MSRB3: variants seen among roughly 807,000 people sequenced by gnomAD.
MSRB3 encodes the protein methionine sulfoxide reductase B3, also known as methionine-R-sulfoxide reductase B3.
In MSRB3, 13 loss-of-function variants were observed where a neutral mutation model predicts 21.0. The observed-to-expected ratio is 0.62, with a 90% CI of 0.40 to 0.98. MSRB3 has a LOEUF of 0.98. Among genes scored for constraint, MSRB3 ranks in the 50% least tolerant of loss-of-function variants. The pLI, the probability that MSRB3 is intolerant of heterozygous loss-of-function variation, is 0.00. For synonymous variants in MSRB3, 87 were observed against 88.6 expected (o/e 0.98, Z 0.10); for missense variants, 199 against 230.3 (o/e 0.86, Z 0.88).
intron 4 of MSRB3, among the ~76,000 whole-genome samples, chr12:65,361,519 C>T (rs1165497257): frequency 6.6e-6 from 1 of 152,070 alleles, no homozygotes; most frequent in Non-Finnish European, 1.5e-5. Flanking sequence ...TGAATGTGGC[C>T]CACAGCTTCT....
intron 5 of MSRB3, among the ~76,000 whole-genome samples, chr12:65,440,595 C>T (rs1882329051): frequency 6.6e-6 from 1 of 151,774 alleles, no homozygotes; most frequent in South Asian, 2.1e-4. Flanking sequence ...CTATATAATG[C>T]TATAATAGTG....
chr12:65,365,521 A>G (rs1314385054), intron 4 of MSRB3, among the ~76,000 whole-genome samples: 1 of 152,180 alleles, frequency 6.6e-6, no homozygotes, highest in Non-Finnish European at 1.5e-5. Context: ...TACGCCATGC[A>G]GAGGAGTGGG....
At chr12:65,442,595 T>G (rs1365895541) in intron 5 of MSRB3, among the ~76,000 whole-genome samples, 1 of 152,110 alleles carries the variant, frequency 6.6e-6, no homozygotes, top group Non-Finnish European at 1.5e-5. Context: ...TCCTGTCTGA[T>G]GTAGCTAATA....
chr12:65,412,469 T>C (rs1252886667), intron 5 of MSRB3, among the ~76,000 whole-genome samples: 1 of 152,160 alleles, frequency 6.6e-6, no homozygotes, highest in African/African-American at 2.4e-5. Context: ...ATAGTTAAGA[T>C]TGAAAATGAT....
chr12:65,319,130 G>T (rs1050820500), intron 2 of MSRB3, among the ~76,000 whole-genome samples: 1 of 152,052 alleles, frequency 6.6e-6, no homozygotes, highest in Non-Finnish European at 1.5e-5. Flanking sequence ...TACTCCCCTT[G>T]ACTTACAGTA....
intron 4 of MSRB3, among the ~76,000 whole-genome samples, chr12:65,357,865 T>C (rs1310610542): frequency 6.6e-6 from 1 of 151,940 alleles, no homozygotes; most frequent in Non-Finnish European, 1.5e-5. Flanking sequence ...CAACACGTCA[T>C]CACTTTTGAT....
rs536608095 is a variant in MSRB3 at position 65,278,978 on chromosome 12, C to A, written c.-52+113C>A. 1.0e-3 allele frequency: 1,514 copies of A among 1,494,454 alleles called. 1 individual carries two copies. The highest frequency in any genetic ancestry group is 1.5e-3 in the Admixed American group (70 of 47,996). The allele number at this position is 1,494,454 out of a possible 1,614,324, so 92.6% of individuals were successfully genotyped here. ...TTCCATTCTGCGCCTGCTGCGCCCCCTCGGCCACCTGCGGGGACAGCCCCT... is the reference window on the plus strand; with the variant it reads ...TTCCATTCTGCGCCTGCTGCGCCCCATCGGCCACCTGCGGGGACAGCCCCT... On this transcript the variant is annotated intron_variant, in intron 1 of 6. Coordinates refer to ENST00000308259, the MANE Select transcript of MSRB3 (RefSeq NM_001031679.3).
At chr12:65,367,692 T>C (rs777783102) in intron 4 of MSRB3, among the ~76,000 whole-genome samples, 1 of 152,028 alleles carries the variant, frequency 6.6e-6, no homozygotes, top group East Asian at 1.9e-4. Flanking sequence ...CTTTGCAGAA[T>C]TGGAGAGAGG....
intron 5 of MSRB3, among the ~76,000 whole-genome samples, chr12:65,413,165 G>A (rs1209357979): frequency 6.6e-6 from 1 of 152,136 alleles, no homozygotes; most frequent in East Asian, 1.9e-4. Context: ...TCTTCAAATT[G>A]CTAAAAGGTC....
chr12:65,351,634 A>C (rs1402078919), intron 4 of MSRB3, among the ~76,000 whole-genome samples: 3 of 148,600 alleles, frequency 2.0e-5, no homozygotes, highest in Non-Finnish European at 2.9e-5. Context: ...AGGGGATATC[A>C]CCACTGATCC....
At chr12:65,369,155 C>A in intron 5 of MSRB3, 129 bp downstream of exon 5, 1 of 701,274 alleles carries the variant, frequency 1.4e-6, no homozygotes, top group Non-Finnish European at 2.5e-6. Flanking sequence ...AATGTGAGTC[C>A]CACCTCAAAG....
intron 4 of MSRB3, among the ~76,000 whole-genome samples, chr12:65,347,788 A>C (rs1228356324): frequency 1.3e-5 from 2 of 152,196 alleles, no homozygotes; most frequent in Non-Finnish European, 2.9e-5. Context: ...GAGAGTTTTT[A>C]GCACGAAGGT....
chr12:65,282,438 G>C (rs892706288), intron 1 of MSRB3, among the ~76,000 whole-genome samples: 1 of 152,096 alleles, frequency 6.6e-6, no homozygotes, highest in South Asian at 2.1e-4. Context: ...GTATAGAAAA[G>C]ATCAAACAAA....
chr12:65,298,325 A>G (rs1255331059), intron 1 of MSRB3, among the ~76,000 whole-genome samples: 1 of 152,212 alleles, frequency 6.6e-6, no homozygotes, highest in Non-Finnish European at 1.5e-5. Context: ...TTTCTAACAA[A>G]GAAATACAGA....
chr12:65,460,644 T>C (rs998295622), intron 6 of MSRB3, among the ~76,000 whole-genome samples: 3 of 152,170 alleles, frequency 2.0e-5, no homozygotes, highest in Non-Finnish European at 4.4e-5. Context: ...CTCAAACCGT[T>C]TCTGAGGATT....
intron 5 of MSRB3, among the ~76,000 whole-genome samples, chr12:65,390,966 G>A (rs1385921273): frequency 6.6e-6 from 1 of 152,184 alleles, no homozygotes; most frequent in Non-Finnish European, 1.5e-5. Flanking sequence ...AAAGAATGGA[G>A]TAGGAATTTT....
chr12:65,414,336 T>C (rs542525044), intron 5 of MSRB3, among the ~76,000 whole-genome samples: 1 of 152,224 alleles, frequency 6.6e-6, no homozygotes, highest in East Asian at 1.9e-4. Flanking sequence ...GTATGGTAGA[T>C]TTCCAGATAG....
intron 5 of MSRB3, among the ~76,000 whole-genome samples, chr12:65,395,674 T>C (rs576416233): frequency 2.0e-5 from 3 of 152,232 alleles, no homozygotes; most frequent in Non-Finnish European, 4.4e-5. Flanking sequence ...TAATTATTGA[T>C]TCAGTTTCTT....
At chr12:65,461,937 A>C (rs1473177503) in intron 6 of MSRB3, among the ~76,000 whole-genome samples, 1 of 152,064 alleles carries the variant, frequency 6.6e-6, no homozygotes, top group Middle Eastern at 3.2e-3. Flanking sequence ...CTAACATTTC[A>C]TATCACCTTC....
Sources: gnomAD v4.1 joint callset for allele counts (sites outside exome capture counted in the v4.1 genomes callset) on GRCh38, gnomAD v4.1.1 for gene constraint, MANE v1.5 for transcripts, NCBI Gene and HGNC (gene_info 2026-07-23, HGNC 2026-07-21) for gene names.